NCF2: variants seen among roughly 807,000 people sequenced by gnomAD.
NCF2 encodes neutrophil cytosol factor 2.
NCF2 carries 45 observed loss-of-function variants against 70.9 expected under a neutral mutation model. That is an observed-to-expected ratio of 0.63 (90% CI 0.50 to 0.81). The LOEUF is 0.81. NCF2 is among the 40% of genes least tolerant of loss of function. The pLI, the probability that NCF2 is intolerant of heterozygous loss-of-function variation, is 0.00. For synonymous variants in NCF2, 203 were observed against 233.6 expected, an observed-to-expected ratio of 0.87 and a Z score of 1.19; for missense variants, 522 against 631.6, an observed-to-expected ratio of 0.83 and a Z score of 1.86.
Position 183,576,521 on chromosome 1 carries a change from TGCGCAGGAC to T in NCF2, c.366+1069_366+1077del, listed in dbSNP as rs1428539662. 2.6e-5 allele frequency among the ~76,000 whole-genome samples: 4 copies of T among 152,342 alleles called. No individual in the cohort carries two copies. In the East Asian group the frequency reaches 7.7e-4, roughly 29 times the overall value. On this transcript the variant is annotated intron_variant, in intron 3 of 14. Transcript: ENST00000367535. ...AGAGATGCCGTCAAAGTTCCCACGA[TGCGCAGGAC>T]GCACCACAACCCCTCTCTCGCCTCT...
upstream of NCF2, among the ~76,000 whole-genome samples, chr1:183,595,020 T>C (rs1434179582): frequency 2.6e-5 from 4 of 152,216 alleles, no homozygotes; most frequent in South Asian, 2.1e-4. Context: ...TCCGTGATCA[T>C]TGGCTAATTA....
intron 3 of NCF2, 112 bp from the exon 4 acceptor site, chr1:183,574,733 C>T (rs1324754606): frequency 7.7e-7 from 1 of 1,292,386 alleles, no homozygotes; most frequent in African/African-American, 1.5e-5. Context: ...TTCTCCCTTT[C>T]TCAGCTCTCC....
At chr1:183,567,124 C>A (rs1049314807) in intron 8 of NCF2, 80 bp downstream of exon 8, 1 of 1,607,074 alleles carries the variant, frequency 6.2e-7, no homozygotes, top group Non-Finnish European at 8.5e-7. Context: ...GCAAAGAAGG[C>A]AGCAGATACT....
chr1:183,584,349 G>T (rs145441637), intron 2 of NCF2, among the ~76,000 whole-genome samples: 1 of 152,176 alleles, frequency 6.6e-6, no homozygotes, highest in African/African-American at 2.4e-5. Flanking sequence ...AGGGAATTGC[G>T]CAAGAGGGCC....
intron 2 of NCF2, among the ~76,000 whole-genome samples, chr1:183,585,523 G>A (rs1673304601): frequency 1.3e-5 from 2 of 151,400 alleles, no homozygotes; most frequent in African/African-American, 2.4e-5. Context: ...TACTTGGGAG[G>A]CTGAGGCAAG....
At chr1:183,560,296 A>C in intron 13 of NCF2, 23 bp from the exon 14 acceptor site, 1 of 1,613,822 alleles carries the variant, frequency 6.2e-7, no homozygotes, top group Non-Finnish European at 8.5e-7. Flanking sequence ...AGGGCCTGTT[A>C]ATTTTCCCAA....
At chr1:183,599,482 C>CTTTCTTTCTTTCTTTCTTTCTT in the NCF2 span, among the ~76,000 whole-genome samples, 2 of 72,944 alleles carry the variant, frequency 2.7e-5, no homozygotes, top group African/African-American at 1.1e-4. Context: ...TTCTTTCTTT[C>CTTTCTTTCTTTCTTTCTTTCTT]TCTTTTCTTT....
intron 14 of NCF2, among the ~76,000 whole-genome samples, chr1:183,557,646 A>G (rs931365505): frequency 1.3e-5 from 2 of 152,180 alleles, no homozygotes; most frequent in Non-Finnish European, 2.9e-5. Context: ...TTAGACTTGT[A>G]CAGATAGGTC....
intron 14 of NCF2, among the ~76,000 whole-genome samples, chr1:183,558,668 G>A (rs1671903997): frequency 1.3e-5 from 2 of 152,100 alleles, no homozygotes; most frequent in African/African-American, 2.4e-5. Flanking sequence ...GGGTTCAAGC[G>A]ATTCTCTTGC....
upstream of NCF2, among the ~76,000 whole-genome samples, chr1:183,595,066 A>G (rs1263308570): frequency 6.6e-6 from 1 of 152,214 alleles, no homozygotes; most frequent in East Asian, 1.9e-4. Flanking sequence ...ACTGAATCCT[A>G]CTTGGAAAAA....
Position 183,573,205 on chromosome 1 carries a change from C to A in NCF2, c.589G>T (p.Asp197Tyr). 1 of 1,614,156 alleles carries A rather than the reference C, an allele frequency of 6.2e-7. No individual in the cohort carries two copies. Among genetic ancestry groups the A allele is most frequent in the Non-Finnish European group, 8.5e-7 (1 of 1,180,016 alleles). Residue 197 changes from aspartate (D) to tyrosine (Y), a missense_variant, in exon 5 of 15, where the codon GAT becomes TAT. Asp to Tyr is a radical substitution (Grantham distance 160). Coordinates refer to ENST00000367535, the MANE Select transcript of NCF2 (RefSeq NM_000433.4). ...CCTACCGTCGCCTTGCCTAGGTAAT[C>A]CTTCTTGGCCAGCTGAGCCACTTGT... is the stretch of plus-strand genomic sequence containing the variant. ...ERQVAQLAKK[D>Y]YLGKATVVAS...
intron 2 of NCF2, among the ~76,000 whole-genome samples, chr1:183,580,164 TAAAAG>T (rs1461415998): frequency 2.6e-5 from 4 of 152,074 alleles, no homozygotes; most frequent in South Asian, 2.1e-4. Flanking sequence ...ATGCGGGAAA[TAAAAG>T]AAGAGAGCTT....
intron 10 of NCF2, 164 bp from the exon 11 acceptor site, chr1:183,564,194 C>A: frequency 1.3e-6 from 1 of 746,804 alleles, no homozygotes; most frequent in South Asian, 1.5e-5. Context: ...GGGAAAATCT[C>A]GCCCTGGGGA....
intron 5 of NCF2, among the ~76,000 whole-genome samples, chr1:183,572,571 G>A (rs768995810): frequency 5.9e-5 from 9 of 152,232 alleles, no homozygotes; most frequent in South Asian, 4.1e-4. Flanking sequence ...CCACTAAAAC[G>A]TGAACTACAA....
the NCF2 span, among the ~76,000 whole-genome samples, chr1:183,596,838 G>C: frequency 1.1e-4 from 17 of 151,856 alleles, no homozygotes; most frequent in African/African-American, 4.1e-4. Context: ...CACATCCTAC[G>C]TAAAGTCTTC....
chr1:183,594,096 TGATGA>T (rs2102945803), upstream of NCF2, among the ~76,000 whole-genome samples: 1 of 152,312 alleles, frequency 6.6e-6, no homozygotes, highest in Admixed American at 6.5e-5. Flanking sequence ...TTAGTTATGC[TGATGA>T]GATGTGTTGC....
At chr1:183,595,786 C>G (rs1482857358), upstream of NCF2, among the ~76,000 whole-genome samples, 1 of 152,138 alleles carries the variant, frequency 6.6e-6, no homozygotes, top group Non-Finnish European at 1.5e-5. Flanking sequence ...TAATTTAAAG[C>G]CAACTGCTTA....
intron 3 of NCF2, among the ~76,000 whole-genome samples, chr1:183,575,224 C>CT (rs1170862881): frequency 6.6e-6 from 1 of 152,236 alleles, no homozygotes; most frequent in Non-Finnish European, 1.5e-5. Flanking sequence ...AATCCCAGCA[C>CT]TTTGGGAGGC....
chr1:183,573,079 G>A (rs1279632205), intron 5 of NCF2, 106 bp downstream of exon 5: 1 of 1,015,488 alleles, frequency 9.8e-7, no homozygotes, highest in Non-Finnish European at 1.6e-6. Flanking sequence ...GCCATCCCAG[G>A]GACAGAGCCA....
Sources: allele counts gnomAD v4.1 joint callset (sites outside exome capture counted in the v4.1 genomes callset), GRCh38; gene constraint gnomAD v4.1.1; transcripts MANE v1.5; gene names NCBI Gene and HGNC (gene_info 2026-07-23, HGNC 2026-07-21).